Variants in SEC14L6 observed in about 807,000 individuals in gnomAD.
The protein encoded by SEC14L6 is SEC14 like lipid binding 6, also known as SEC14-like protein 6.
In SEC14L6, 40 loss-of-function variants were observed where a neutral mutation model predicts 54.1. The ratio of observed to expected loss-of-function variants is 0.74; its 90% CI spans 0.57 to 0.96. The LOEUF is 0.96. Among genes scored for constraint, SEC14L6 ranks in the 40% least tolerant of loss-of-function variants. The probability of loss-of-function intolerance (pLI) is 0.00; values close to 1 mark genes in which losing one functional copy is unlikely to be tolerated. For missense variants in SEC14L6, 471 were observed against 498.3 expected (o/e 0.95, Z 0.52); for synonymous variants, 171 against 198.4 (o/e 0.86, Z 1.16).
chr22:30,525,890 TG>T lies in SEC14L6; in HGVS notation c.706del (p.Gln236SerfsTer10). On this transcript the variant is annotated frameshift_variant, in exon 9 of 12. Transcript: ENST00000402034. LOFTEE classifies it high-confidence loss of function. ...GGTCCCCCCAAACTCCACGGGCAGC[TG>T]GTCGGGGCTGATGAATTTTGTCAGC... ...QELTKFISPD[Q>X]LPVEFGGTMT... 1 of 1,613,370 alleles carries T rather than the reference TG, an allele frequency of 6.2e-7. No individual in the cohort carries two copies. Among genetic ancestry groups the T allele is most frequent in the Non-Finnish European group, 8.5e-7 (1 of 1,179,596 alleles).
intron 6 of SEC14L6, among the ~76,000 whole-genome samples, chr22:30,529,850 T>C (rs531006309): frequency 2.6e-5 from 4 of 152,256 alleles, no homozygotes; most frequent in African/African-American, 7.2e-5. Flanking sequence ...AGTCAGACAA[T>C]AGTTCAGCTT....
chr22:30,541,132 A>G (rs534613085), intron 1 of SEC14L6, among the ~76,000 whole-genome samples: 1 of 152,210 alleles, frequency 6.6e-6, no homozygotes, highest in Non-Finnish European at 1.5e-5. Context: ...CTTTTCCCCT[A>G]GCTTTGTTTA....
rs747520533 is a variant in SEC14L6 at position 30,525,490 on chromosome 22, A to G, written c.941T>C (p.Ile314Thr). 24 of 1,613,974 alleles carry G rather than the reference A, an allele frequency of 1.5e-5. No individual in the cohort carries two copies. In the Admixed American group the frequency reaches 2.7e-4, roughly 18 times the overall value. Reference sequence around the variant, plus strand: ...GGTCTTCAGGAAAACCCCAAAGCCAATGTCCCCACCATCTGAAGCAAACTG... The same window carrying G: ...GGTCTTCAGGAAAACCCCAAAGCCAGTGTCCCCACCATCTGAAGCAAACTG... ...RWQFASDGGD[I>T]GFGVFLKTKM... The change falls in exon 11 of 12, where the codon ATT becomes ACT. Residue 314 changes from isoleucine (I) to threonine (T), a missense_variant. Physicochemically the swap from Ile to Thr is moderately conservative, Grantham distance 89 (BLOSUM62 -1). Transcript: ENST00000402034.
intron 1 of SEC14L6, among the ~76,000 whole-genome samples, chr22:30,539,642 A>G (rs1025467715): frequency 2.6e-5 from 4 of 152,226 alleles, no homozygotes; most frequent in African/African-American, 9.6e-5. Context: ...TAGAATTGCA[A>G]TAAAGATAAT....
chr22:30,538,405 G>A (rs1345785521), intron 2 of SEC14L6, among the ~76,000 whole-genome samples: 1 of 152,104 alleles, frequency 6.6e-6, no homozygotes, highest in Admixed American at 6.5e-5. Flanking sequence ...AAGCTTCACT[G>A]TAAGATACCA....
chr22:30,539,804 T>C (rs976469069), intron 1 of SEC14L6, among the ~76,000 whole-genome samples: 1 of 152,216 alleles, frequency 6.6e-6, no homozygotes, highest in Non-Finnish European at 1.5e-5. Context: ...TTGGCACCCA[T>C]CAGCCACGCC....
At chr22:30,537,814 CT>C (rs1568972252) in intron 2 of SEC14L6, among the ~76,000 whole-genome samples, 1 of 152,166 alleles carries the variant, frequency 6.6e-6, no homozygotes, top group Non-Finnish European at 1.5e-5. Context: ...ATAGATCTGC[CT>C]TTTGTTCTGT....
rs375073961 is a variant in SEC14L6, at chr22:30,528,422, C to CTTTTTTTT, written c.664+657_664+664dup. ...AGGCGTGAACCACCGCGCTCGGCCT[C>CTTTTTTTT]TTTTTTTTTTTTTTTTTTTGAGATA... On this transcript the variant is annotated intron_variant, in intron 8 of 11. Transcript: ENST00000402034. Among the ~76,000 whole-genome samples the CTTTTTTTT allele has an allele frequency of 5.7e-5, 6 of 105,520 alleles. 1 individual carries two copies. The highest frequency in any genetic ancestry group is 6.8e-3 in the Middle Eastern group (1 of 148). The allele number at this position is 105,520 out of a possible 152,430, so 69.2% of individuals were successfully genotyped here.
chr22:30,544,502 C>A (rs1293327812), intron 1 of SEC14L6, among the ~76,000 whole-genome samples: 2 of 152,196 alleles, frequency 1.3e-5, no homozygotes, highest in Non-Finnish European at 2.9e-5. Flanking sequence ...CACCCCTCAA[C>A]TGGGGCTTGA....
intron 8 of SEC14L6, among the ~76,000 whole-genome samples, chr22:30,526,654 C>T (rs1936790295): frequency 6.6e-6 from 1 of 151,794 alleles, no homozygotes; most frequent in African/African-American, 2.4e-5. Flanking sequence ...TGCTTGAGCC[C>T]GGGAGGCAGA....
intron 2 of SEC14L6, among the ~76,000 whole-genome samples, chr22:30,535,887 G>GTT (rs71643521): frequency 0.01 from 1,329 of 128,266 alleles, 19 homozygotes; most frequent in African/African-American, 0.033. Context: ...AGTTTTTTGT[G>GTT]TTTTTTTTTT....
chr22:30,531,725 A>C (rs1936980371), intron 6 of SEC14L6, among the ~76,000 whole-genome samples, 178 bp downstream of exon 6: 1 of 151,206 alleles, frequency 6.6e-6, no homozygotes, highest in African/African-American at 2.4e-5. Context: ...ACTCCATTTC[A>C]AAAAAAAAGT....
At chr22:30,543,251 G>A (rs1214217555) in intron 1 of SEC14L6, 13 of 1,596,570 alleles carry the variant, frequency 8.1e-6, no homozygotes, top group Admixed American at 1.7e-5. Context: ...CAAGTCATCT[G>A]CGAGGTGGCC....
At chr22:30,538,277 G>C (rs2085634625) in intron 2 of SEC14L6, among the ~76,000 whole-genome samples, 1 of 151,092 alleles carries the variant, frequency 6.6e-6, no homozygotes, top group African/African-American at 2.4e-5. Flanking sequence ...AGGTTGCAGT[G>C]AGCCGAGATC....
rs1487875319 is a variant in SEC14L6 at position 30,532,628 on chromosome 22, TCCAGGCTTCCCA to T, written c.308_319del (p.Val103_Leu106del). On this transcript the variant is annotated inframe_deletion, in exon 5 of 12. Transcript: ENST00000402034. ...GGCTGAGAGCAAGAGGCCTTTGGGG[TCCAGGCTTCCCA>T]CAATGTGGTACCAGACAGGGCTGCC... 6.4e-7 allele frequency: 1 copy of T among 1,550,626 alleles called. No individual in the cohort carries two copies. Among genetic ancestry groups the T allele is most frequent in the South Asian group, 1.2e-5 (1 of 84,054 alleles).
intron 1 of SEC14L6, chr22:30,543,501 C>G: frequency 1.2e-6 from 2 of 1,612,900 alleles, no homozygotes; most frequent in Non-Finnish European, 1.7e-6. Flanking sequence ...GCACCTACAA[C>G]TGGATGAGCT....
intron 2 of SEC14L6, among the ~76,000 whole-genome samples, chr22:30,536,405 G>C (rs770158607): frequency 6.6e-6 from 1 of 152,104 alleles, no homozygotes; most frequent in African/African-American, 2.4e-5. Flanking sequence ...CAGGGAAGGA[G>C]TCTTAAGTGT....
rs118116676 is a variant in SEC14L6 at position 30,538,898 on chromosome 22, C to T, written c.59G>A (p.Arg20Gln). Residue 20 changes from arginine to glutamine, a missense_variant, in exon 2 of 12, where the codon CGG becomes CAG. Coordinates refer to ENST00000402034, the MANE Select transcript of SEC14L6 (RefSeq NM_001193336.4). The stretch of plus-strand genomic sequence containing the variant: ...AGATAGCACATCTTGGATGTTCTCC[C>T]GGAACTGAGGACAGACAGGGAGAGA... ...PSQEKSLAQF[R>Q]ENIQDVLSAL... 0.02 allele frequency: 31,133 copies of T among 1,552,302 alleles called. 476 individuals carry two copies. The highest frequency in any genetic ancestry group is 0.055 in the East Asian group (2,267 of 41,048).
In SEC14L6 at chr22:30,532,839, C is replaced by T; in HGVS notation, c.192G>A (p.Lys64=). 2 of 1,613,686 alleles carry T rather than the reference C, an allele frequency of 1.2e-6. No homozygotes were observed. The highest frequency in any genetic ancestry group is 1.7e-6 in the Non-Finnish European group (2 of 1,179,902). Reference sequence around the variant, plus strand: ...CAAGGATGTTGGCCAGGTCTTGTTGCTTCCGGAACTCCATATGCTGCAGAG... The same window carrying T: ...CAAGGATGTTGGCCAGGTCTTGTTGTTTCCGGAACTCCATATGCTGCAGAG... ...DMLRKHMEFR[K]QQDLANILAW... The change falls in exon 4 of 12, where the codon AAG becomes AAA. Residue 64 remains lysine, a synonymous_variant. Coordinates refer to ENST00000402034, the MANE Select transcript of SEC14L6 (RefSeq NM_001193336.4).
Sources: allele counts gnomAD v4.1 joint callset (sites outside exome capture counted in the v4.1 genomes callset), GRCh38; gene constraint gnomAD v4.1.1; transcripts MANE v1.5; gene names NCBI Gene and HGNC (gene_info 2026-07-23, HGNC 2026-07-21).